Variants in DPY30 observed in about 807,000 individuals in gnomAD.
The protein encoded by DPY30 is protein dpy-30 homolog.
DPY30 carries 6 observed loss-of-function variants against 16.2 expected under a neutral mutation model. That is an observed-to-expected ratio of 0.37 (90% CI 0.20 to 0.73). The LOEUF (loss-of-function observed/expected upper bound fraction) is 0.73. Ranked by LOEUF, DPY30 falls within the 30% of genes least tolerant of loss-of-function variation. The probability of loss-of-function intolerance (pLI) is 0.51; values close to 1 mark genes in which losing one functional copy is unlikely to be tolerated. For missense variants in DPY30, 73 were observed against 113.1 expected (o/e 0.65, Z 1.61); for synonymous variants, 39 against 38.8 (o/e 1.00, Z -0.02).
chr2:32,039,556 G>A (rs905379217), intron 1 of DPY30, 64 bp from the exon 2 acceptor site: 30 of 1,539,538 alleles, frequency 1.9e-5, no homozygotes, highest in Non-Finnish European at 2.6e-5. Flanking sequence ...CCAGGATGGA[G>A]TGCAGCCCAG....
chr2:32,021,720 G>A (rs937306085), downstream of DPY30, among the ~76,000 whole-genome samples: 3 of 150,744 alleles, frequency 2.0e-5, no homozygotes, highest in Non-Finnish European at 4.4e-5. Flanking sequence ...GTGTCCCATT[G>A]GGTCATGTTC....
intron 4 of DPY30, among the ~76,000 whole-genome samples, chr2:32,025,438 G>A (rs1185956653): frequency 1.3e-5 from 2 of 151,928 alleles, no homozygotes; most frequent in Non-Finnish European, 2.9e-5. Context: ...ACTCCAGCCT[G>A]GGCGACAGAG....
chr2:32,028,724 G>A (rs993396449), intron 4 of DPY30, among the ~76,000 whole-genome samples: 2 of 152,154 alleles, frequency 1.3e-5, no homozygotes, highest in Non-Finnish European at 2.9e-5. Context: ...TCATGAGGTG[G>A]AGGTTGCAGT....
At chr2:32,029,176 A>G (rs927428355) in intron 4 of DPY30, among the ~76,000 whole-genome samples, 1 of 152,036 alleles carries the variant, frequency 6.6e-6, no homozygotes, top group Non-Finnish European at 1.5e-5. Flanking sequence ...GGAGGCTGAG[A>G]CACAAGAATC....
Position 32,023,927 on chromosome 2 carries a change from G to A in DPY30, c.*257C>T. ...TAATGGTGTTTTGACAGTTTATTTTGAAGGTCATTTTAAAAACAAAGTTAA... is the reference window on the plus strand; with the variant it reads ...TAATGGTGTTTTGACAGTTTATTTTAAAGGTCATTTTAAAAACAAAGTTAA... On this transcript the variant is annotated 3_prime_UTR_variant, in exon 5 of 5. Coordinates refer to ENST00000342166, the MANE Select transcript of DPY30 (RefSeq NM_001321209.2). 7.3e-7 allele frequency: 1 copy of A among 1,363,352 alleles called. No homozygotes were observed. The highest frequency in any genetic ancestry group is 3.2e-5 in the East Asian group (1 of 30,782). 84.5% of individuals were successfully genotyped at this position (1,363,352 alleles called of 1,614,324 possible).
intron 5 of DPY30, chr2:32,013,050 T>A (rs1319299776): frequency 6.6e-6 from 1 of 152,154 alleles, no homozygotes; most frequent in African/African-American, 2.4e-5. Context: ...CCTGGCCCTG[T>A]CACTCATCAG....
chr2:32,017,183 A>T (rs1312287535), intron 5 of DPY30, among the ~76,000 whole-genome samples: 1 of 151,768 alleles, frequency 6.6e-6, no homozygotes, highest in Non-Finnish European at 1.5e-5. Flanking sequence ...GCGCCCGGCC[A>T]TATAGTAGTA....
chr2:32,024,046 T>G lies in DPY30; in HGVS notation c.*138A>C. ...AAAATAAGGGAAATATGTTATCTTC[T>G]GCAATTCCAGAAATAGGTTCTGTTG... On this transcript the variant is annotated 3_prime_UTR_variant, in exon 5 of 5. Coordinates refer to ENST00000342166, the MANE Select transcript of DPY30 (RefSeq NM_001321209.2). 1 of 1,495,622 alleles carries G rather than the reference T, an allele frequency of 6.7e-7. No homozygotes were observed. The allele number at this position is 1,495,622 out of a possible 1,614,324, so 92.6% of individuals were successfully genotyped here.
chr2:32,026,718 G>A (rs1002199140), intron 4 of DPY30, among the ~76,000 whole-genome samples: 80 of 151,908 alleles, frequency 5.3e-4, no homozygotes, highest in African/African-American at 1.8e-3. Context: ...AACCAGGGAG[G>A]CGGAGGTTGC....
At chr2:32,019,869 T>C (rs1020852022), downstream of DPY30, among the ~76,000 whole-genome samples, 5 of 140,708 alleles carry the variant, frequency 3.6e-5, no homozygotes, top group East Asian at 1.0e-3. Context: ...CACACATATA[T>C]ATGTGTATAT....
intron 4 of DPY30, among the ~76,000 whole-genome samples, chr2:32,026,995 G>C (rs1346291811): frequency 1.3e-5 from 2 of 150,674 alleles, no homozygotes; most frequent in East Asian, 3.9e-4. Flanking sequence ...GGGAATAAGG[G>C]CCAGGCACGA....
intron 3 of DPY30, among the ~76,000 whole-genome samples, chr2:32,031,460 G>A (rs555797338): frequency 3.3e-5 from 5 of 151,992 alleles, no homozygotes; most frequent in African/African-American, 9.6e-5. Context: ...AGACAGGCAT[G>A]GTGGTGCACA....
At chr2:32,028,533 T>C (rs1675416716) in intron 4 of DPY30, among the ~76,000 whole-genome samples, 1 of 152,176 alleles carries the variant, frequency 6.6e-6, no homozygotes, top group South Asian at 2.1e-4. Flanking sequence ...CCAGGCTCAG[T>C]GGCTCACGCC....
At chr2:32,022,659 A>T (rs2148654661), downstream of DPY30, among the ~76,000 whole-genome samples, 1 of 152,130 alleles carries the variant, frequency 6.6e-6, no homozygotes, top group Middle Eastern at 3.4e-3. Context: ...CTGGGACGAC[A>T]GGCACATGCC....
At chr2:32,014,004 GAGAA>G (rs1289351327) in intron 5 of DPY30, among the ~76,000 whole-genome samples, 2 of 146,168 alleles carry the variant, frequency 1.4e-5, no homozygotes, top group Admixed American at 6.8e-5. Flanking sequence ...GCAAGACTCT[GAGAA>G]AGAAAGAAAG....
intron 3 of DPY30, among the ~76,000 whole-genome samples, chr2:32,037,603 G>A (rs1015447871): frequency 2.0e-5 from 3 of 151,720 alleles, no homozygotes; most frequent in Admixed American, 2.0e-4. Flanking sequence ...TGTCACCCAG[G>A]CTGGACTGCA....
In DPY30 at chr2:32,039,311, G is replaced by A. The variant is rs1675875133; in HGVS notation, c.52C>T (p.His18Tyr). 6.2e-7 allele frequency: 1 copy of A among 1,614,062 alleles called. No individual in the cohort carries two copies. Among genetic ancestry groups the A allele is most frequent in the African/African-American group, 1.3e-5 (1 of 74,924 alleles). Residue 18 changes from histidine to tyrosine, a missense_variant, in exon 3 of 5, where the codon CAC becomes TAC. Around this residue, in one of 3 missense-constraint regions of DPY30, gnomAD observed 52 missense variants for 71.5 expected, o/e 0.73. Coordinates refer to ENST00000342166, the MANE Select transcript of DPY30 (RefSeq NM_001321209.2). ...TTGTCTGTGAGACCGTACTCAGAGTGAGGATTTTCTGCAACCTAGAAAACA... is the reference window on the plus strand; with the variant it reads ...TTGTCTGTGAGACCGTACTCAGAGTAAGGATTTTCTGCAACCTAGAAAACA... ...EGQTQVAENP[H>Y]SEYGLTDNVE...
At chr2:32,017,404 G>T (rs1203145794) in intron 5 of DPY30, among the ~76,000 whole-genome samples, 1 of 151,476 alleles carries the variant, frequency 6.6e-6, no homozygotes, top group African/African-American at 2.4e-5. Flanking sequence ...ATCATCTGAG[G>T]TTAGGAGTTT....
At chr2:32,022,552 C>T (rs1434968947), downstream of DPY30, among the ~76,000 whole-genome samples, 6 of 151,324 alleles carry the variant, frequency 4.0e-5, no homozygotes, top group Non-Finnish European at 5.9e-5. Flanking sequence ...CAGTCTCACT[C>T]TGTCGCCCAG....
Sources: allele counts gnomAD v4.1 joint callset (sites outside exome capture counted in the v4.1 genomes callset), GRCh38; gene constraint gnomAD v4.1.1; regional missense constraint gnomAD v4.1.1; transcripts MANE v1.5; gene names NCBI Gene and HGNC (gene_info 2026-07-23, HGNC 2026-07-21).